Variants in FGF14 observed in about 807,000 individuals in gnomAD.
The protein encoded by FGF14 is fibroblast growth factor 14, also known as fibroblast growth factor homologous factor 4.
FGF14 carries 5 observed loss-of-function variants against 25.5 expected under a neutral mutation model. That is an observed-to-expected ratio of 0.20 (90% CI 0.10 to 0.41). FGF14 has a LOEUF of 0.41. FGF14 is among the 10% of genes least tolerant of loss of function. The probability of loss-of-function intolerance (pLI) is 1.00; values close to 1 mark genes in which losing one functional copy is unlikely to be tolerated. For synonymous variants in FGF14, 138 were observed against 118.3 expected, an observed-to-expected ratio of 1.17 and a Z score of -1.08; for missense variants, 222 against 320.1, an observed-to-expected ratio of 0.69 and a Z score of 2.34.
Position 101,716,693 on chromosome 13 carries a change from A to G in FGF14, c.*6138T>C, listed in dbSNP as rs1400413818. ...TTCCCTTAAAATACTTTTTTTTCTA[A>G]GGATACCTTACTTACTGGAAACCTG... is the stretch of plus-strand genomic sequence containing the variant. On this transcript the variant is annotated 3_prime_UTR_variant, in exon 5 of 5. Transcript: ENST00000376143. 6.6e-6 allele frequency: 1 copy of G among 151,880 alleles called. No individual in the cohort carries two copies. Among genetic ancestry groups the G allele is most frequent in the Non-Finnish European group, 1.5e-5 (1 of 67,928 alleles). The allele number at this position is 151,880 out of a possible 1,614,324, so 9.4% of individuals were successfully genotyped here.
intron 3 of FGF14, among the ~76,000 whole-genome samples, chr13:101,757,697 T>C (rs2037754009): frequency 6.6e-6 from 1 of 152,196 alleles, no homozygotes; most frequent in Admixed American, 6.6e-5. Context: ...TGCCTTGCCT[T>C]TGAATAGCAA....
chr13:101,904,073 C>T (rs1192852384), intron 1 of FGF14, among the ~76,000 whole-genome samples: 1 of 152,166 alleles, frequency 6.6e-6, no homozygotes, highest in Non-Finnish European at 1.5e-5. Flanking sequence ...ACACAGCGTG[C>T]AAAAGAAGAA....
At chr13:101,824,587 T>A (rs2042313470) in intron 3 of FGF14, among the ~76,000 whole-genome samples, 2 of 152,204 alleles carry the variant, frequency 1.3e-5, no homozygotes, top group Admixed American at 1.3e-4. Context: ...TAAAAAATAT[T>A]TGGTCTTAGT....
At chr13:102,201,622 G>C (rs2049655213) in intron 1 of FGF14, among the ~76,000 whole-genome samples, 1 of 152,150 alleles carries the variant, frequency 6.6e-6, no homozygotes, top group Non-Finnish European at 1.5e-5. Context: ...CAAAACCTTA[G>C]ATGGTCCAGA....
At chr13:101,814,382 C>CAT (rs1165315489) in intron 3 of FGF14, among the ~76,000 whole-genome samples, 1 of 152,164 alleles carries the variant, frequency 6.6e-6, no homozygotes, top group East Asian at 1.9e-4. Flanking sequence ...TATGCAAAAG[C>CAT]AGTTATGTGA....
At chr13:102,150,294 G>A (rs894010676) in intron 1 of FGF14, among the ~76,000 whole-genome samples, 95 of 115,890 alleles carry the variant, frequency 8.2e-4, no homozygotes, top group Admixed American at 5.0e-4. Flanking sequence ...TGTGTTTTTA[G>A]GTTTTTTTTT....
intron 3 of FGF14, among the ~76,000 whole-genome samples, chr13:101,730,008 T>C (rs1016662436): frequency 4.6e-5 from 7 of 152,174 alleles, no homozygotes; most frequent in Non-Finnish European, 7.3e-5. Context: ...ATCACTGAGA[T>C]ACACGCTTTG....
At chr13:102,307,901 C>A (rs2055487587) in intron 1 of FGF14, among the ~76,000 whole-genome samples, 1 of 152,136 alleles carries the variant, frequency 6.6e-6, no homozygotes, top group African/African-American at 2.4e-5. Flanking sequence ...CTCCCATTCA[C>A]TAGTGCACTA....
rs560002974 is a variant in FGF14 at position 101,802,128 on chromosome 13, C to T, written c.408+66597G>A. On this transcript the variant is annotated intron_variant, in intron 3 of 4. Coordinates refer to ENST00000376143, the MANE Select transcript of FGF14 (RefSeq NM_004115.4). ...AACGATTATGACCAGCTCAGGGAGG[C>T]GAGAAGATGTCCCAAGAAGGCCACC... The T allele has an allele frequency of 4.4e-4, 105 of 239,300 alleles. 1 individual carries two copies. In the South Asian group the frequency reaches 5.1e-3, roughly 12 times the overall value. 14.8% of individuals were successfully genotyped at this position (239,300 alleles called of 1,614,324 possible).
intron 1 of FGF14, among the ~76,000 whole-genome samples, chr13:102,257,726 G>T (rs2052520785): frequency 6.6e-6 from 1 of 151,928 alleles, no homozygotes; most frequent in Non-Finnish European, 1.5e-5. Flanking sequence ...TTTCATACTT[G>T]CTGCCACTAA....
intron 3 of FGF14, among the ~76,000 whole-genome samples, chr13:101,830,246 G>A (rs2042602744): frequency 6.6e-6 from 1 of 151,922 alleles, no homozygotes. Context: ...TCATCATCTT[G>A]GAAGAGGCTC....
intron 1 of FGF14, among the ~76,000 whole-genome samples, chr13:102,369,838 T>C (rs986719873): frequency 6.6e-6 from 1 of 152,228 alleles, no homozygotes; most frequent in African/African-American, 2.4e-5. Flanking sequence ...AACAAGAAAG[T>C]CCTTACATAT....
At chr13:101,751,952 A>AC (rs2037313341) in intron 3 of FGF14, among the ~76,000 whole-genome samples, 1 of 151,938 alleles carries the variant, frequency 6.6e-6, no homozygotes, top group Non-Finnish European at 1.5e-5. Context: ...AACAAAAAAA[A>AC]CAACTCCATC....
At chr13:101,821,074 A>C (rs9518576) in intron 3 of FGF14, among the ~76,000 whole-genome samples, 1 of 144,584 alleles carries the variant, frequency 6.9e-6, no homozygotes. Flanking sequence ...TCAGCCTCCC[A>C]AGTAGCTGGG....
chr13:102,171,797 A>C (rs9557826), intron 1 of FGF14, among the ~76,000 whole-genome samples: 15,118 of 151,966 alleles, frequency 0.099, 2,051 homozygotes, highest in East Asian at 0.7. Flanking sequence ...CTTAAGAAAC[A>C]CTACAAGATA....
chr13:101,807,576 A>G (rs9518563), intron 3 of FGF14, among the ~76,000 whole-genome samples: 133,933 of 152,062 alleles, frequency 0.88, 59,205 homozygotes, highest in Non-Finnish European at 0.92. Context: ...TTCTCACCTA[A>G]CATTTTATAA....
At chr13:102,150,403 C>A (rs1027688685) in intron 1 of FGF14, among the ~76,000 whole-genome samples, 39 of 151,702 alleles carry the variant, frequency 2.6e-4, no homozygotes, top group African/African-American at 9.0e-4. Context: ...AGACTAACAA[C>A]ATAAATGTAA....
intron 1 of FGF14, among the ~76,000 whole-genome samples, chr13:102,046,190 T>TA (rs1445755162): frequency 1.3e-5 from 2 of 152,132 alleles, no homozygotes; most frequent in African/African-American, 4.8e-5. Context: ...TCTAGTCAAT[T>TA]CCTACGGGGC....
intron 3 of FGF14, among the ~76,000 whole-genome samples, chr13:101,745,641 T>G (rs61965126): frequency 0.043 from 6,519 of 152,208 alleles, 177 homozygotes; most frequent in Middle Eastern, 0.065. Flanking sequence ...TCTATTTAAC[T>G]TAGCAATATG....
Sources: gnomAD v4.1 joint callset for allele counts (sites outside exome capture counted in the v4.1 genomes callset) on GRCh38, gnomAD v4.1.1 for gene constraint, MANE v1.5 for transcripts, NCBI Gene and HGNC (gene_info 2026-07-23, HGNC 2026-07-21) for gene names.